ATP8A2: variants seen among roughly 807,000 people sequenced by gnomAD.
ATP8A2 encodes ATPase phospholipid transporting 8A2.
A neutral mutation model predicts 165.6 loss-of-function variants in ATP8A2; 100 were observed. That is an observed-to-expected ratio of 0.60 (90% CI 0.51 to 0.71). The LOEUF (loss-of-function observed/expected upper bound fraction) is 0.71. ATP8A2 is among the 30% of genes least tolerant of loss of function. The probability of loss-of-function intolerance (pLI) is 0.00; values close to 1 mark genes in which losing one functional copy is unlikely to be tolerated. For synonymous variants in ATP8A2, 543 were observed against 548.8 expected (o/e 0.99, Z 0.15); for missense variants, 1,227 against 1,479.5 (o/e 0.83, Z 2.80).
intron 25 of ATP8A2, among the ~76,000 whole-genome samples, chr13:25,748,426 C>T (rs1200893299): frequency 2.0e-5 from 3 of 152,080 alleles, no homozygotes; most frequent in East Asian, 1.9e-4. Context: ...CTCTTTGGTT[C>T]GAGCATTGAA....
At chr13:25,837,674 G>A (rs906637814) in intron 29 of ATP8A2, among the ~76,000 whole-genome samples, 7 of 152,118 alleles carry the variant, frequency 4.6e-5, no homozygotes, top group Non-Finnish European at 8.8e-5. Flanking sequence ...CCCATGTGGA[G>A]GCCTGTTGGC....
chr13:25,894,510 C>T (rs899694781), intron 33 of ATP8A2, among the ~76,000 whole-genome samples: 1 of 151,952 alleles, frequency 6.6e-6, no homozygotes, highest in African/African-American at 2.4e-5. Context: ...ATTGACTTGG[C>T]AATATGGGCT....
chr13:25,614,921 G>A (rs1167309497), intron 24 of ATP8A2, among the ~76,000 whole-genome samples: 3 of 152,312 alleles, frequency 2.0e-5, no homozygotes, highest in African/African-American at 7.2e-5. Flanking sequence ...GGAGTGAAGT[G>A]GACTCTGTGA....
intron 30 of ATP8A2, among the ~76,000 whole-genome samples, chr13:25,858,130 T>C (rs1316192077): frequency 6.6e-6 from 1 of 152,230 alleles, no homozygotes; most frequent in Non-Finnish European, 1.5e-5. Context: ...AACTGAAGTA[T>C]TTCTTCATTG....
At chr13:25,564,153 T>C (rs2039244961) in intron 16 of ATP8A2, 122 bp downstream of exon 16, 5 of 709,268 alleles carry the variant, frequency 7.0e-6, no homozygotes, top group Non-Finnish European at 1.3e-5. Context: ...GACTTGATGA[T>C]GTGAGTCCTT....
At chr13:25,883,275 C>G (rs1566234404) in intron 33 of ATP8A2, among the ~76,000 whole-genome samples, 1 of 152,078 alleles carries the variant, frequency 6.6e-6, no homozygotes, top group African/African-American at 2.4e-5. Context: ...TACAAATTAG[C>G]TGGGCGTGGT....
At chr13:25,672,736 A>G (rs188904518) in intron 24 of ATP8A2, among the ~76,000 whole-genome samples, 44 of 152,292 alleles carry the variant, frequency 2.9e-4, no homozygotes, top group African/African-American at 9.9e-4. Context: ...GGTAGGATCA[A>G]AATCTGTACC....
At chr13:25,697,535 C>A (rs1306563649) in intron 24 of ATP8A2, among the ~76,000 whole-genome samples, 1 of 152,180 alleles carries the variant, frequency 6.6e-6, no homozygotes, top group African/African-American at 2.4e-5. Context: ...CCTGCCTCGG[C>A]CTCCCAGAGT....
chr13:25,491,201 C>T (rs1275191121), intron 2 of ATP8A2, among the ~76,000 whole-genome samples: 1 of 151,772 alleles, frequency 6.6e-6, no homozygotes, highest in Non-Finnish European at 1.5e-5. Context: ...CGATTATATT[C>T]TACGTGGAAA....
chr13:25,836,337 G>A (rs1356767812), intron 28 of ATP8A2, among the ~76,000 whole-genome samples: 3 of 152,164 alleles, frequency 2.0e-5, no homozygotes, highest in Admixed American at 6.6e-5. Context: ...TCCTATAAAC[G>A]TTGTTCAACA....
intron 27 of ATP8A2, among the ~76,000 whole-genome samples, chr13:25,802,864 T>C (rs1314775441): frequency 6.6e-6 from 1 of 152,094 alleles, no homozygotes; most frequent in Non-Finnish European, 1.5e-5. Context: ...GAATATAAAC[T>C]GTTACATAAA....
chr13:25,650,218 A>C (rs1348570097), intron 24 of ATP8A2, among the ~76,000 whole-genome samples: 3 of 152,202 alleles, frequency 2.0e-5, no homozygotes, highest in Non-Finnish European at 4.4e-5. Context: ...TGTGGACCAC[A>C]CAAGTGACTC....
chr13:25,966,276 T>G (rs1238291994), intron 34 of ATP8A2, among the ~76,000 whole-genome samples: 1 of 152,218 alleles, frequency 6.6e-6, no homozygotes, highest in East Asian at 1.9e-4. Context: ...AGGGACTTAC[T>G]CTGTCAAAGC....
intron 25 of ATP8A2, among the ~76,000 whole-genome samples, chr13:25,712,300 C>T (rs2043173986): frequency 6.6e-6 from 1 of 152,140 alleles, no homozygotes; most frequent in Admixed American, 6.5e-5. Flanking sequence ...CTGCACAGTA[C>T]CATGAGGGTC....
chr13:25,506,647 C>G (rs960898148), intron 2 of ATP8A2, among the ~76,000 whole-genome samples: 1 of 152,186 alleles, frequency 6.6e-6, no homozygotes, highest in Non-Finnish European at 1.5e-5. Context: ...CTCTGTTTCT[C>G]CTCGTGTGGA....
intron 25 of ATP8A2, among the ~76,000 whole-genome samples, chr13:25,756,660 A>T (rs993666113): frequency 3.9e-5 from 6 of 152,112 alleles, no homozygotes; most frequent in African/African-American, 1.4e-4. Flanking sequence ...GGGTTTTCTT[A>T]CCTGTAAAAT....
chr13:25,733,887 C>T (rs570230420), intron 25 of ATP8A2, among the ~76,000 whole-genome samples: 2 of 152,222 alleles, frequency 1.3e-5, no homozygotes, highest in East Asian at 3.9e-4. Context: ...TTGATGTCAG[C>T]ACCTTTTTTC....
intron 1 of ATP8A2, among the ~76,000 whole-genome samples, chr13:25,373,105 C>T (rs1235234704): frequency 1.3e-5 from 2 of 152,232 alleles, no homozygotes; most frequent in East Asian, 3.9e-4. Context: ...GATAGGGTTA[C>T]CTAGACCATT....
intron 35 of ATP8A2, among the ~76,000 whole-genome samples, chr13:25,975,822 C>T (rs572497569): frequency 6.6e-5 from 10 of 152,200 alleles, no homozygotes; most frequent in East Asian, 3.9e-4. Context: ...AAATATTCCA[C>T]GAGACTTTAT....
Sources: gnomAD v4.1 joint callset for allele counts (sites outside exome capture counted in the v4.1 genomes callset) on GRCh38, gnomAD v4.1.1 for gene constraint, MANE v1.5 for transcripts, NCBI Gene and HGNC (gene_info 2026-07-23, HGNC 2026-07-21) for gene names.